The following MALRD1 variants were observed in gnomAD, a reference collection of about 807,000 sequenced individuals.
MALRD1 encodes the protein MAM and LDL-receptor class A domain-containing protein 1.
Under a neutral mutation model 242.1 loss-of-function variants are expected in MALRD1, and 247 were observed. The observed-to-expected ratio is 1.02, with a 90% CI of 0.92 to 1.13. The LOEUF (loss-of-function observed/expected upper bound fraction) is 1.13. MALRD1 is among the 50% of genes most tolerant of loss of function. The pLI is 0.00. For synonymous variants in MALRD1, 995 were observed against 866.6 expected, an observed-to-expected ratio of 1.15 and a Z score of -2.60; for missense variants, 2,989 against 2,533.1, an observed-to-expected ratio of 1.18 and a Z score of -3.86.
At chr10:19,628,048 TA>T (rs1391008193) in intron 36 of MALRD1, among the ~76,000 whole-genome samples, 3 of 151,638 alleles carry the variant, frequency 2.0e-5, no homozygotes, top group African/African-American at 7.3e-5. Context: ...CACTAATGCA[TA>T]AATGCACTAA....
At chr10:19,716,706 G>A (rs1425463896) in intron 38 of MALRD1, 1 of 152,136 alleles carries the variant, frequency 6.6e-6, no homozygotes, top group Non-Finnish European at 1.5e-5. Flanking sequence ...AAATGCAGTT[G>A]TAATGCAGAA....
intron 29 of MALRD1, among the ~76,000 whole-genome samples, chr10:19,476,593 C>G (rs1156809604): frequency 1.3e-5 from 2 of 152,120 alleles, no homozygotes; most frequent in Non-Finnish European, 2.9e-5. Flanking sequence ...GTGCTTACCC[C>G]AGGCTGGTGG....
intron 19 of MALRD1, among the ~76,000 whole-genome samples, chr10:19,263,078 T>C (rs1178925608): frequency 1.3e-5 from 2 of 152,210 alleles, no homozygotes; most frequent in South Asian, 2.1e-4. Context: ...TTGTGAATCA[T>C]GCTGCAATGA....
chr10:19,718,886 G>A (rs1834549504), intron 38 of MALRD1, among the ~76,000 whole-genome samples: 1 of 151,692 alleles, frequency 6.6e-6, no homozygotes, highest in South Asian at 2.1e-4. Context: ...GTGCTGTTAG[G>A]CCAGGCATGG....
chr10:19,296,167 C>T (rs557002346), intron 21 of MALRD1, among the ~76,000 whole-genome samples: 4 of 152,058 alleles, frequency 2.6e-5, no homozygotes, highest in Admixed American at 6.6e-5. Context: ...AAACACAGTT[C>T]CAGGGAATAT....
At position 19,708,992 on chromosome 10, in the gene MALRD1, G is replaced by A. The variant is rs1404930414; in HGVS notation, c.6314+16438G>A. ...ACATTTATTTTGAAATGGAAACAGT[G>A]TATCACAGAAACATGGATAAGCCTT... On this transcript the variant is annotated intron_variant, in intron 38 of 39. Coordinates refer to ENST00000454679, the MANE Select transcript of MALRD1 (RefSeq NM_001142308.3). Among the ~76,000 whole-genome samples the A allele has an allele frequency of 6.7e-5, 8 of 119,682 alleles. 1 individual carries two copies. Among genetic ancestry groups the A allele is most frequent in the African/African-American group, 2.1e-4 (8 of 37,932 alleles). The allele number at this position is 119,682 out of a possible 152,430, so 78.5% of individuals were successfully genotyped here.
intron 38 of MALRD1, among the ~76,000 whole-genome samples, chr10:19,707,860 G>A (rs558106780): frequency 8.3e-6 from 1 of 120,872 alleles, no homozygotes; most frequent in African/African-American, 2.6e-5. Flanking sequence ...GGGGGCCTGA[G>A]GCAGGAGAAT....
At chr10:19,345,746 G>A (rs1387428155) in intron 24 of MALRD1, among the ~76,000 whole-genome samples, 4 of 137,618 alleles carry the variant, frequency 2.9e-5, no homozygotes, top group Non-Finnish European at 6.3e-5. Context: ...TAGTCTTGAT[G>A]TTTTCTTGAA....
At chr10:19,702,369 C>T (rs897503317) in intron 38 of MALRD1, among the ~76,000 whole-genome samples, 4 of 152,142 alleles carry the variant, frequency 2.6e-5, no homozygotes, top group African/African-American at 9.7e-5. Flanking sequence ...TATTCAACCG[C>T]ACATATATTG....
At chr10:19,069,393 C>A (rs2358278) in intron 2 of MALRD1, among the ~76,000 whole-genome samples, 60,557 of 151,538 alleles carry the variant, frequency 0.4, 12,545 homozygotes, top group Middle Eastern at 0.51. Context: ...TATTATAAGC[C>A]CTACAAATCA....
Position 19,243,072 on chromosome 10 carries a change from T to TG in MALRD1, c.2992-14612_2992-14611insG, listed in dbSNP as rs1378397371. ...GCTTTGTTTCTTTTCCCTTTTTTTT[T>TG]TTTGTGTGTGTATCCGCTGTAATTT... On this transcript the variant is annotated intron_variant, in intron 18 of 39. Transcript: ENST00000454679. Among the ~76,000 whole-genome samples the TG allele has an allele frequency of 3.5e-3, 495 of 140,410 alleles. 3 individuals carry two copies. The highest frequency in any genetic ancestry group is 0.013 in the African/African-American group (478 of 36,030). The allele number at this position is 140,410 out of a possible 152,430, so 92.1% of individuals were successfully genotyped here.
At chr10:19,448,151 C>T (rs1359756475) in intron 28 of MALRD1, among the ~76,000 whole-genome samples, 2 of 152,054 alleles carry the variant, frequency 1.3e-5, no homozygotes, top group African/African-American at 2.4e-5. Flanking sequence ...TATGAATGTC[C>T]AGCTCCTTGG....
rs76328201 is a variant in MALRD1 at position 19,457,436 on chromosome 10, C to T, written c.5029+6946C>T. Reference sequence around the variant, plus strand: ...AATTAGGGTTCATCATTAAGCTGGTCCCCCAAGGCTCAAGAAAGCTGCCCA... The same window carrying T: ...AATTAGGGTTCATCATTAAGCTGGTTCCCCAAGGCTCAAGAAAGCTGCCCA... On this transcript the variant is annotated intron_variant, in intron 29 of 39. Coordinates refer to ENST00000454679, the MANE Select transcript of MALRD1 (RefSeq NM_001142308.3). 2.5e-3 allele frequency among the ~76,000 whole-genome samples: 373 copies of T among 152,108 alleles called. 5 individuals carry two copies. In the East Asian group the frequency reaches 0.048, roughly 20 times the overall value.
intron 32 of MALRD1, among the ~76,000 whole-genome samples, chr10:19,553,574 G>T (rs1835588034): frequency 6.6e-6 from 1 of 152,014 alleles, no homozygotes; most frequent in Non-Finnish European, 1.5e-5. Context: ...GGGGCTTTTT[G>T]TTATTCAGAA....
chr10:19,262,393 T>A (rs1250783122), intron 19 of MALRD1, among the ~76,000 whole-genome samples: 1 of 151,944 alleles, frequency 6.6e-6, no homozygotes, highest in Non-Finnish European at 1.5e-5. Flanking sequence ...CGGTGGCTCA[T>A]GCATGTAATC....
chr10:19,444,383 G>C (rs1202978497), intron 28 of MALRD1, among the ~76,000 whole-genome samples: 1 of 152,180 alleles, frequency 6.6e-6, no homozygotes, highest in East Asian at 1.9e-4. Context: ...CTCGTTAGTT[G>C]ATGCAGTTTC....
intron 19 of MALRD1, among the ~76,000 whole-genome samples, chr10:19,270,387 G>GAT (rs146405000): frequency 0.032 from 4,758 of 147,662 alleles, 103 homozygotes; most frequent in Middle Eastern, 0.053. Context: ...CCAGACTGCT[G>GAT]ATTTTAGTAG....
At chr10:19,400,886 C>T (rs1468515530) in intron 28 of MALRD1, among the ~76,000 whole-genome samples, 4 of 151,874 alleles carry the variant, frequency 2.6e-5, no homozygotes, top group Admixed American at 2.0e-4. Flanking sequence ...CGTGGTGGCA[C>T]GTTCCTGTAA....
chr10:19,351,351 G>T (rs745751509), intron 25 of MALRD1, among the ~76,000 whole-genome samples: 21 of 151,960 alleles, frequency 1.4e-4, no homozygotes, highest in Non-Finnish European at 2.8e-4. Context: ...TTTCATCTAT[G>T]CAACATTGAA....
Sources: allele counts gnomAD v4.1 joint callset (sites outside exome capture counted in the v4.1 genomes callset), GRCh38; gene constraint gnomAD v4.1.1; transcripts MANE v1.5; gene names NCBI Gene and HGNC (gene_info 2026-07-23, HGNC 2026-07-21).